The following STK32B variants were observed in gnomAD, a reference collection of about 807,000 sequenced individuals.
The protein encoded by STK32B is serine/threonine-protein kinase 32B.
In STK32B, 43 loss-of-function variants were observed where a neutral mutation model predicts 52.6. That is an observed-to-expected ratio of 0.82 (90% CI 0.64 to 1.05). STK32B has a LOEUF of 1.05. STK32B is among the 50% of genes least tolerant of loss of function. The pLI is 0.00. For synonymous variants in STK32B, 238 were observed against 204.3 expected (o/e 1.17, Z -1.41); for missense variants, 621 against 534.6 (o/e 1.16, Z -1.59).
chr4:5,423,265 T>G (rs16837188), intron 6 of STK32B, among the ~76,000 whole-genome samples: 1 of 152,054 alleles, frequency 6.6e-6, no homozygotes, highest in Non-Finnish European at 1.5e-5. Context: ...CTGGGTGTCT[T>G]CCACTCAGTG....
At chr4:5,175,055 C>T (rs895442127) in intron 3 of STK32B, among the ~76,000 whole-genome samples, 7 of 152,298 alleles carry the variant, frequency 4.6e-5, no homozygotes, top group Admixed American at 6.5e-5. Flanking sequence ...TTCATTTCAT[C>T]TTCCATCGCT....
chr4:5,329,102 C>G (rs931197975), intron 3 of STK32B, among the ~76,000 whole-genome samples: 1 of 152,204 alleles, frequency 6.6e-6, no homozygotes, highest in Admixed American at 6.5e-5. Context: ...TTGGGAACGT[C>G]CTGGGTACTC....
intron 5 of STK32B, among the ~76,000 whole-genome samples, chr4:5,416,374 G>A (rs1712160247): frequency 6.6e-6 from 1 of 152,114 alleles, no homozygotes; most frequent in South Asian, 2.1e-4. Context: ...CAACACCACA[G>A]CCTTCTCCCT....
intron 3 of STK32B, among the ~76,000 whole-genome samples, chr4:5,175,446 G>C (rs1340695420): frequency 2.0e-5 from 3 of 152,210 alleles, no homozygotes; most frequent in African/African-American, 7.2e-5. Flanking sequence ...ATCTACCTTT[G>C]GTCTTTGACG....
chr4:5,110,082 A>G (rs1714315622), intron 1 of STK32B, among the ~76,000 whole-genome samples: 1 of 152,054 alleles, frequency 6.6e-6, no homozygotes, highest in African/African-American at 2.4e-5. Flanking sequence ...ACTACAAAAC[A>G]CTGATGAAAG....
rs150907199 is a variant in STK32B at position 5,276,681 on chromosome 4, G to A, written c.261-54539G>A. 2.1e-3 allele frequency among the ~76,000 whole-genome samples: 326 copies of A among 152,034 alleles called. 1 individual carries two copies. Among genetic ancestry groups the A allele is most frequent in the African/African-American group, 7.0e-3 (290 of 41,450 alleles). The stretch of plus-strand genomic sequence containing the variant: ...GTCACGTGTTACGAACTGCTGCCAC[G>A]TGCATCTTTTCATCACGAGGCTGAG... On this transcript the variant is annotated intron_variant, in intron 3 of 11. Coordinates refer to ENST00000282908, the MANE Select transcript of STK32B (RefSeq NM_018401.3).
intron 3 of STK32B, among the ~76,000 whole-genome samples, chr4:5,245,221 T>C (rs886445637): frequency 6.6e-6 from 1 of 152,192 alleles, no homozygotes; most frequent in African/African-American, 2.4e-5. Context: ...CCAAGAATCT[T>C]TGTAGGTCAC....
chr4:5,147,652 T>C (rs1246254483), intron 2 of STK32B, among the ~76,000 whole-genome samples: 1 of 152,072 alleles, frequency 6.6e-6, no homozygotes, highest in Non-Finnish European at 1.5e-5. Flanking sequence ...TTCTATCAAA[T>C]ACTTTTTGTG....
chr4:5,176,107 G>A (rs1019610893), intron 3 of STK32B, among the ~76,000 whole-genome samples: 7 of 152,328 alleles, frequency 4.6e-5, no homozygotes, highest in Non-Finnish European at 7.3e-5. Flanking sequence ...AGCCATGTGC[G>A]GGATATAATC....
intron 3 of STK32B, among the ~76,000 whole-genome samples, chr4:5,276,469 C>A (rs549014591): frequency 2.0e-5 from 3 of 152,048 alleles, no homozygotes; most frequent in Non-Finnish European, 4.4e-5. Flanking sequence ...GCTATGACTT[C>A]AAGATAGAAA....
At chr4:5,426,691 AC>A (rs1489717581) in intron 6 of STK32B, among the ~76,000 whole-genome samples, 6 of 145,414 alleles carry the variant, frequency 4.1e-5, no homozygotes, top group East Asian at 2.1e-4. Flanking sequence ...CTCCATCTAA[AC>A]AAAAAAAAAA....
At chr4:5,374,102 G>A (rs1735428878) in intron 4 of STK32B, among the ~76,000 whole-genome samples, 1 of 152,198 alleles carries the variant, frequency 6.6e-6, no homozygotes, top group Non-Finnish European at 1.5e-5. Context: ...GCAGGGAAGT[G>A]AGTGATGCAG....
intron 3 of STK32B, among the ~76,000 whole-genome samples, chr4:5,308,380 T>A (rs1278603696): frequency 6.6e-6 from 1 of 152,214 alleles, no homozygotes; most frequent in East Asian, 1.9e-4. Flanking sequence ...AAGCTGCAAG[T>A]TAGTCCTGCC....
chr4:5,240,803 T>G (rs2108816892), intron 3 of STK32B, among the ~76,000 whole-genome samples: 1 of 152,294 alleles, frequency 6.6e-6, no homozygotes, highest in Non-Finnish European at 1.5e-5. Flanking sequence ...ATGATTGTGC[T>G]TCTTTGTGTT....
chr4:5,359,910 G>A (rs1734436180), intron 4 of STK32B, among the ~76,000 whole-genome samples: 1 of 152,140 alleles, frequency 6.6e-6, no homozygotes, highest in Admixed American at 6.5e-5. Flanking sequence ...CTGAGAGAGT[G>A]GAAAGCTATT....
At chr4:5,230,073 A>G (rs1244863876) in intron 3 of STK32B, among the ~76,000 whole-genome samples, 2 of 151,362 alleles carry the variant, frequency 1.3e-5, no homozygotes, top group Admixed American at 1.3e-4. Context: ...GCTCACTGCA[A>G]TGTCCACCAC....
At chr4:5,133,260 G>A (rs1405149160) in intron 1 of STK32B, among the ~76,000 whole-genome samples, 2 of 152,196 alleles carry the variant, frequency 1.3e-5, no homozygotes. Context: ...TTCAACAAGT[G>A]TATACCCACT....
chr4:5,224,715 T>C (rs1192262247), intron 3 of STK32B, among the ~76,000 whole-genome samples: 1 of 151,966 alleles, frequency 6.6e-6, no homozygotes, highest in African/African-American at 2.4e-5. Flanking sequence ...ATGACATTAA[T>C]TGTATCAATT....
intron 3 of STK32B, among the ~76,000 whole-genome samples, chr4:5,293,380 G>A (rs1729005618): frequency 6.6e-6 from 1 of 152,008 alleles, no homozygotes; most frequent in Non-Finnish European, 1.5e-5. Flanking sequence ...CTTCCACAAT[G>A]GTTTAACTAA....
Sources: allele counts gnomAD v4.1 joint callset (sites outside exome capture counted in the v4.1 genomes callset), GRCh38; gene constraint gnomAD v4.1.1; transcripts MANE v1.5; gene names NCBI Gene and HGNC (gene_info 2026-07-23, HGNC 2026-07-21).